TRHDE: variants seen among roughly 807,000 people sequenced by gnomAD.
TRHDE encodes thyrotropin-releasing hormone-degrading ectoenzyme.
In TRHDE, 72 loss-of-function variants were observed where a neutral mutation model predicts 125.7. That is an observed-to-expected ratio of 0.57 (90% CI 0.47 to 0.70). The LOEUF (loss-of-function observed/expected upper bound fraction) is 0.70. Among genes scored for constraint, TRHDE ranks in the 30% least tolerant of loss-of-function variants. The pLI, the probability that TRHDE is intolerant of heterozygous loss-of-function variation, is 0.00. For missense variants in TRHDE, 1,110 were observed against 1,327.1 expected, an observed-to-expected ratio of 0.84 and a Z score of 2.54; for synonymous variants, 509 against 509.1, an observed-to-expected ratio of 1.00 and a Z score of 0.00.
intron 12 of TRHDE, among the ~76,000 whole-genome samples, chr12:72,585,263 A>G (rs1357327409): frequency 6.6e-6 from 1 of 152,092 alleles, no homozygotes; most frequent in African/African-American, 2.4e-5. Context: ...TTTGTCTTAC[A>G]TTTTAAACAC....
intron 2 of TRHDE, among the ~76,000 whole-genome samples, chr12:72,292,237 C>T (rs1185823533): frequency 6.6e-6 from 1 of 152,176 alleles, no homozygotes; most frequent in Admixed American, 6.5e-5. Flanking sequence ...TTGATAAAGA[C>T]TCACCCTTGG....
At chr12:72,396,292 A>G (rs576975490) in intron 3 of TRHDE, among the ~76,000 whole-genome samples, 2 of 152,124 alleles carry the variant, frequency 1.3e-5, no homozygotes, top group South Asian at 2.1e-4. Context: ...TGTTTTCTCT[A>G]CAGTGTCCAT....
chr12:72,208,697 T>A (rs1238724758), intron 2 of TRHDE, among the ~76,000 whole-genome samples: 3 of 152,208 alleles, frequency 2.0e-5, no homozygotes, highest in Non-Finnish European at 4.4e-5. Flanking sequence ...AGTAAATATA[T>A]GCAAAGTACT....
chr12:72,452,718 C>G (rs1259798245), intron 3 of TRHDE, among the ~76,000 whole-genome samples: 1 of 152,028 alleles, frequency 6.6e-6, no homozygotes, highest in Non-Finnish European at 1.5e-5. Context: ...TTAGTACCAT[C>G]CTCTTGATAC....
intron 2 of TRHDE, among the ~76,000 whole-genome samples, chr12:72,258,860 C>T (rs1397132839): frequency 1.3e-5 from 2 of 152,108 alleles, no homozygotes; most frequent in Non-Finnish European, 2.9e-5. Flanking sequence ...TTGATTATAA[C>T]CAGGTTATAA....
chr12:72,575,613 A>G lies in TRHDE; in HGVS notation c.2321+71A>G, dbSNP rs1019984709. ...GACTTCCTGTATTAAACTGCATAAT[A>G]TGTATATGTCTTTTATTTAGGACAT... On this transcript the variant is annotated intron_variant, in intron 12 of 18. Coordinates refer to ENST00000261180, the MANE Select transcript of TRHDE (RefSeq NM_013381.3). 4.9e-5 allele frequency: 65 copies of G among 1,331,630 alleles called. No homozygotes were observed. In the African/African-American group the frequency reaches 7.7e-4, roughly 16 times the overall value. 82.5% of individuals were successfully genotyped at this position (1,331,630 alleles called of 1,614,324 possible).
At chr12:72,370,838 G>A (rs947286073) in intron 2 of TRHDE, among the ~76,000 whole-genome samples, 18 of 151,740 alleles carry the variant, frequency 1.2e-4, no homozygotes, top group African/African-American at 1.9e-4. Context: ...TGCCTGCACC[G>A]TTCAAGCAAT....
intron 3 of TRHDE, among the ~76,000 whole-genome samples, chr12:72,416,226 A>G (rs1271052710): frequency 2.0e-5 from 3 of 152,026 alleles, no homozygotes; most frequent in Middle Eastern, 3.4e-3. Context: ...ATTTTTGCCT[A>G]TTTGAAACAT....
chr12:72,330,521 A>T (rs1444354903), intron 2 of TRHDE, among the ~76,000 whole-genome samples: 1 of 152,190 alleles, frequency 6.6e-6, no homozygotes, highest in Non-Finnish European at 1.5e-5. Context: ...ATGCTTCTGC[A>T]GCCAGGGGTC....
rs375211330 is a variant in TRHDE, at chr12:72,456,395, A to G, written c.1316-13363A>G. The stretch of plus-strand genomic sequence containing the variant: ...GTATTTTAATATAGCACTTCATGTT[A>G]TGTGTATATTAGAGTACTGGCTTTC... On this transcript the variant is annotated intron_variant, in intron 3 of 18. Transcript: ENST00000261180. 3.9e-5 allele frequency among the ~76,000 whole-genome samples: 6 copies of G among 152,264 alleles called. No homozygotes were observed. The South Asian group carries it at 1.2e-3, about 32-fold the overall frequency.
chr12:72,317,977 A>T lies in TRHDE; in HGVS notation c.1188+31023A>T, dbSNP rs574306478. Among the ~76,000 whole-genome samples the T allele has an allele frequency of 1.9e-4, 29 of 152,226 alleles. No individual in the cohort carries two copies. The South Asian group carries it at 5.8e-3, about 31-fold the overall frequency. On this transcript the variant is annotated intron_variant, in intron 2 of 18. Coordinates refer to ENST00000261180, the MANE Select transcript of TRHDE (RefSeq NM_013381.3). ...GTGGGTTTTCCTTCTCATGAGCTAA[A>T]ACCTTTCCATGTAAGGAATTTATAG... is the stretch of plus-strand genomic sequence containing the variant.
chr12:72,403,698 G>A (rs1873142830), intron 3 of TRHDE, among the ~76,000 whole-genome samples: 1 of 152,202 alleles, frequency 6.6e-6, no homozygotes, highest in Admixed American at 6.5e-5. Context: ...TCCAAAGGCA[G>A]CAGAATTTGA....
intron 2 of TRHDE, among the ~76,000 whole-genome samples, chr12:72,213,618 C>T (rs1056233703): frequency 1.3e-5 from 2 of 152,120 alleles, no homozygotes; most frequent in Non-Finnish European, 2.9e-5. Flanking sequence ...GGTTATATTA[C>T]ACCTGCAAAG....
intron 2 of TRHDE, among the ~76,000 whole-genome samples, chr12:72,156,079 C>T (rs1876499373): frequency 6.6e-6 from 1 of 152,198 alleles, no homozygotes; most frequent in Non-Finnish European, 1.5e-5. Flanking sequence ...TTTACCTACT[C>T]AAGCCTCGGC....
Position 72,667,019 on chromosome 12 carries a change from T to C in TRHDE, c.*3824T>C, listed in dbSNP as rs1468377381. Reference sequence around the variant, plus strand: ...TCAGAATGCAGATAAATTGTGTGCATCTCAATCAGTAAAAATAATATTCAG... The same window carrying C: ...TCAGAATGCAGATAAATTGTGTGCACCTCAATCAGTAAAAATAATATTCAG... On this transcript the variant is annotated 3_prime_UTR_variant, in exon 19 of 19. Coordinates refer to ENST00000261180, the MANE Select transcript of TRHDE (RefSeq NM_013381.3). 6.6e-6 allele frequency: 1 copy of C among 151,964 alleles called. No homozygotes were observed. Among genetic ancestry groups the C allele is most frequent in the Middle Eastern group, 3.2e-3 (1 of 316 alleles). 9.4% of individuals were successfully genotyped at this position (151,964 alleles called of 1,614,324 possible). A position where few individuals can be genotyped will look rare whatever the true frequency, so the allele number is the denominator to read the frequency against.
intron 5 of TRHDE, among the ~76,000 whole-genome samples, chr12:72,474,283 A>G (rs1291376231): frequency 6.6e-6 from 1 of 152,168 alleles, no homozygotes; most frequent in African/African-American, 2.4e-5. Context: ...TGGTGATAAG[A>G]ACACAACATA....
intron 6 of TRHDE, among the ~76,000 whole-genome samples, chr12:72,541,133 T>C (rs956401603): frequency 1.3e-5 from 2 of 151,584 alleles, no homozygotes; most frequent in Admixed American, 6.6e-5. Flanking sequence ...AAAAGAGACA[T>C]CTTGCAAGAA....
intron 13 of TRHDE, among the ~76,000 whole-genome samples, chr12:72,619,790 C>A (rs306020): frequency 6.6e-6 from 1 of 152,070 alleles, no homozygotes; most frequent in African/African-American, 2.4e-5. Context: ...TAAGAGCCTG[C>A]CCTGTGTTTT....
chr12:72,615,871 A>G (rs1872793371), intron 12 of TRHDE, among the ~76,000 whole-genome samples: 1 of 152,146 alleles, frequency 6.6e-6, no homozygotes, highest in South Asian at 2.1e-4. Context: ...GATATATTCA[A>G]TACAAGACTG....
Sources: gnomAD v4.1 joint callset for allele counts (sites outside exome capture counted in the v4.1 genomes callset) on GRCh38, gnomAD v4.1.1 for gene constraint, MANE v1.5 for transcripts, NCBI Gene and HGNC (gene_info 2026-07-23, HGNC 2026-07-21) for gene names.